The following LRRC71 variants were observed in gnomAD, a reference collection of about 807,000 sequenced individuals.
LRRC71 encodes leucine rich repeat containing 71, also known as leucine-rich repeat-containing protein 71.
A neutral mutation model predicts 66.6 loss-of-function variants in LRRC71; 54 were observed. The observed-to-expected ratio is 0.81, with a 90% CI of 0.65 to 1.02. The LOEUF is 1.02. Ranked by LOEUF, LRRC71 falls within the 50% of genes least tolerant of loss-of-function variation. LRRC71 has a pLI of 0.00. For synonymous variants in LRRC71, 323 were observed against 303.9 expected (o/e 1.06, Z -0.65); for missense variants, 724 against 718.0 (o/e 1.01, Z -0.10).
At chr1:156,932,772 C>A in intron 14 of LRRC71, 81 bp from the exon 15 acceptor site, 1 of 1,459,746 alleles carries the variant, frequency 6.9e-7, no homozygotes, top group Non-Finnish European at 9.4e-7. Flanking sequence ...ACCCACCCTG[C>A]CCCAGGACCA....
At chr1:156,932,322 G>A (rs1484694231) in intron 13 of LRRC71, 102 bp from the exon 14 acceptor site, 6 of 934,666 alleles carry the variant, frequency 6.4e-6, no homozygotes, top group Non-Finnish European at 1.0e-5. Context: ...AGTGAGTCTG[G>A]AGTGGGGAGC....
At position 156,929,402 on chromosome 1, in the gene LRRC71, C is replaced by T. The variant is rs1653926854; in HGVS notation, c.1119C>T (p.Gly373=). 1.2e-6 allele frequency: 2 copies of T among 1,613,740 alleles called. No individual in the cohort carries two copies. The highest frequency in any genetic ancestry group is 3.3e-5 in the Admixed American group (2 of 59,986). Residue 373 remains glycine (G), a synonymous_variant, in exon 10 of 15, where the codon GGC becomes GGT. Coordinates refer to ENST00000337428, the MANE Select transcript of LRRC71 (RefSeq NM_144702.3). ...DKTQTMKTPK[G]LGKKKEKSWE... Reference sequence around the variant, plus strand: ...CGCAGACAATGAAAACCCCTAAGGGCCTGGGCAAGAAAAAGGAGAAATCAT... The same window carrying T: ...CGCAGACAATGAAAACCCCTAAGGGTCTGGGCAAGAAAAAGGAGAAATCAT...
chr1:156,929,470 A>G (rs1553189422), intron 10 of LRRC71, 41 bp downstream of exon 10: 1 of 1,612,670 alleles, frequency 6.2e-7, no homozygotes, highest in Admixed American at 1.7e-5. Context: ...CTGGACGGAC[A>G]GGGGAGGGGG....
intron 11 of LRRC71, among the ~76,000 whole-genome samples, chr1:156,930,044 C>CTTGCTTTT: frequency 7.8e-6 from 1 of 127,970 alleles, no homozygotes; most frequent in South Asian, 2.7e-4. Context: ...TTCTTTCTTT[C>CTTGCTTTT]TCTTTCTTTC....
At chr1:156,936,509 T>A (rs1347756439), downstream of LRRC71, among the ~76,000 whole-genome samples, 13 of 123,804 alleles carry the variant, frequency 1.1e-4, 2 homozygotes, top group African/African-American at 4.0e-4. Flanking sequence ...TATATATATA[T>A]ATATATATAT....
the LRRC71 span, chr1:156,939,453 CA>C: frequency 6.4e-7 from 1 of 1,562,986 alleles, no homozygotes; most frequent in Non-Finnish European, 8.7e-7. Flanking sequence ...ACACGGTACC[CA>C]GGGGGAGTAT....
intron 1 of LRRC71, chr1:156,921,716 C>A (rs1233002060): frequency 2.6e-5 from 2 of 76,152 alleles, no homozygotes; most frequent in African/African-American, 1.0e-4. Flanking sequence ...ATTCAAAACA[C>A]ACACACACAC....
intron 1 of LRRC71, among the ~76,000 whole-genome samples, chr1:156,921,333 A>G (rs188495966): frequency 1.4e-4 from 22 of 152,312 alleles, no homozygotes; most frequent in African/African-American, 5.1e-4. Flanking sequence ...AACGAGGTGG[A>G]CACAGTCCTG....
chr1:156,932,702 C>T (rs1654565015), intron 14 of LRRC71, 151 bp from the exon 15 acceptor site: 4 of 1,561,764 alleles, frequency 2.6e-6, no homozygotes, highest in Non-Finnish European at 3.5e-6. Context: ...CTCCATTCCT[C>T]TTGCTGGAAA....
intron 5 of LRRC71, among the ~76,000 whole-genome samples, chr1:156,925,232 T>C (rs1214340854): frequency 2.0e-5 from 3 of 152,186 alleles, no homozygotes; most frequent in African/African-American, 7.2e-5. Flanking sequence ...CCAAAGAGCC[T>C]GATCTTCAGG....
chr1:156,935,904 G>A (rs1571094420), downstream of LRRC71: 1 of 1,359,394 alleles, frequency 7.4e-7, no homozygotes, highest in Non-Finnish European at 1.0e-6. Context: ...CTCCTCCACA[G>A]GGAGGAGTGT....
At chr1:156,934,642 G>A (rs1654755276), downstream of LRRC71, among the ~76,000 whole-genome samples, 3 of 151,472 alleles carry the variant, frequency 2.0e-5, no homozygotes, top group Admixed American at 1.3e-4. Flanking sequence ...TTTCTCCATG[G>A]GGGTTGTACA....
At chr1:156,936,497 A>AAAAAAAT (rs370282821), downstream of LRRC71, among the ~76,000 whole-genome samples, 3 of 33,936 alleles carry the variant, frequency 8.8e-5, no homozygotes, top group African/African-American at 3.1e-4. Context: ...AAAAAAAAAA[A>AAAAAAAT]ATATATATAT....
chr1:156,940,739 G>A, the LRRC71 span, among the ~76,000 whole-genome samples: 1 of 152,218 alleles, frequency 6.6e-6, no homozygotes, highest in African/African-American at 2.4e-5. Flanking sequence ...AGGGCATGGG[G>A]CTAGGGGCTG....
chr1:156,927,782 G>T lies in LRRC71; in HGVS notation c.872G>T (p.Arg291Leu), dbSNP rs538926687. 6 of 1,612,574 alleles carry T rather than the reference G, an allele frequency of 3.7e-6. No homozygotes were observed. The East Asian group carries it at 1.1e-4, about 30-fold the overall frequency. ...CTCTGGCTGTCCCTGGCCCACAACC[G>T]CATCCAGGACAAGGGCGCCCTGAAG... ...SLLWLSLAHN[R>L]IQDKGALKLA... Residue 291 changes from arginine (R) to leucine (L), a missense_variant, in exon 8 of 15, where the codon CGC becomes CTC. Arg to Leu is a moderately radical substitution (Grantham distance 102). Coordinates refer to ENST00000337428, the MANE Select transcript of LRRC71 (RefSeq NM_144702.3).
chr1:156,940,047 G>T, the LRRC71 span: 1 of 1,442,734 alleles, frequency 6.9e-7, no homozygotes, highest in African/African-American at 1.4e-5. Context: ...CAACTAGCTG[G>T]TGGGGGTTGG....
At chr1:156,937,079 G>T, downstream of LRRC71, 1 of 1,576,162 alleles carries the variant, frequency 6.3e-7, no homozygotes, top group Non-Finnish European at 8.6e-7. Flanking sequence ...GGTCTGTGCT[G>T]GGCCTTGGGG....
downstream of LRRC71, chr1:156,936,086 C>T: frequency 6.2e-7 from 1 of 1,612,210 alleles, no homozygotes; most frequent in Non-Finnish European, 8.5e-7. Flanking sequence ...AGGTGAGGAA[C>T]TGGCCAGCCT....
chr1:156,931,692 C>T (rs988694224), intron 12 of LRRC71, among the ~76,000 whole-genome samples: 1 of 152,152 alleles, frequency 6.6e-6, no homozygotes, highest in African/African-American at 2.4e-5. Context: ...GAGCTTGCCT[C>T]TGTCAGCGCT....
Sources: allele counts gnomAD v4.1 joint callset (sites outside exome capture counted in the v4.1 genomes callset), GRCh38; gene constraint gnomAD v4.1.1; transcripts MANE v1.5; gene names NCBI Gene and HGNC (gene_info 2026-07-23, HGNC 2026-07-21).